The following SDHB variants were observed in gnomAD, a reference collection of about 807,000 sequenced individuals.
SDHB encodes the protein succinate dehydrogenase [ubiquinone] iron-sulfur subunit, mitochondrial.
A neutral mutation model predicts 39.7 loss-of-function variants in SDHB; 21 were observed. That is an observed-to-expected ratio of 0.53 (90% CI 0.37 to 0.76). The LOEUF (loss-of-function observed/expected upper bound fraction) is 0.76. Ranked by LOEUF, SDHB falls within the 30% of genes least tolerant of loss-of-function variation. The pLI is 0.00. For synonymous variants in SDHB, 118 were observed against 117.0 expected, an observed-to-expected ratio of 1.01 and a Z score of -0.06; for missense variants, 343 against 350.9, an observed-to-expected ratio of 0.98 and a Z score of 0.18.
At chr1:17,047,582 C>G (rs1292655922) in intron 1 of SDHB, among the ~76,000 whole-genome samples, 1 of 151,314 alleles carries the variant, frequency 6.6e-6, no homozygotes, top group Non-Finnish European at 1.5e-5. Context: ...ACTAGGGAGG[C>G]TGAGGCAGGA....
chr1:17,046,275 C>T (rs564943410), intron 1 of SDHB, among the ~76,000 whole-genome samples: 7 of 152,232 alleles, frequency 4.6e-5, no homozygotes, highest in African/African-American at 1.7e-4. Flanking sequence ...CTAATGCCAC[C>T]TTGTGGTATT....
At chr1:17,025,946 T>C (rs1020035557) in intron 5 of SDHB, among the ~76,000 whole-genome samples, 5 of 152,198 alleles carry the variant, frequency 3.3e-5, no homozygotes, top group Admixed American at 2.0e-4. Flanking sequence ...GATTTCGGAT[T>C]TGGGGTGCTC....
Position 17,018,974 on chromosome 1 carries a change from A to T in SDHB, c.766-16T>A. ...GATTCAGACCCTTGAAAAAAGAGAAAAGAATCAATAACAAATGATAACTGA... is the reference window on the plus strand; with the variant it reads ...GATTCAGACCCTTGAAAAAAGAGAATAGAATCAATAACAAATGATAACTGA... On this transcript the variant is annotated splice_polypyrimidine_tract_variant and intron_variant, in intron 7 of 7. Transcript: ENST00000375499. 1 of 1,580,050 alleles carries T rather than the reference A, an allele frequency of 6.3e-7. No individual in the cohort carries two copies. The highest frequency in any genetic ancestry group is 8.7e-7 in the Non-Finnish European group (1 of 1,150,812).
At chr1:17,049,091 C>T (rs1390419321) in intron 1 of SDHB, among the ~76,000 whole-genome samples, 2 of 152,126 alleles carry the variant, frequency 1.3e-5, no homozygotes, top group African/African-American at 4.8e-5. Flanking sequence ...CCTTTAACTC[C>T]TGGGCTCAGG....
chr1:17,044,988 C>T, intron 1 of SDHB, 100 bp from the exon 2 acceptor site: 1 of 1,049,996 alleles, frequency 9.5e-7, no homozygotes, highest in South Asian at 1.3e-5. Context: ...TATAAACTCA[C>T]ACATTACTGA....
At chr1:17,026,135 C>A (rs1336242931) in intron 5 of SDHB, among the ~76,000 whole-genome samples, 2 of 152,196 alleles carry the variant, frequency 1.3e-5, no homozygotes, top group Non-Finnish European at 2.9e-5. Context: ...AGCTACGCAC[C>A]AGCCTTGCCT....
chr1:17,035,857 C>A (rs1296995485), intron 2 of SDHB, among the ~76,000 whole-genome samples: 5 of 151,052 alleles, frequency 3.3e-5, no homozygotes, highest in Non-Finnish European at 7.4e-5. Context: ...GAGACTGTCT[C>A]AAAAAAATAA....
intron 1 of SDHB, among the ~76,000 whole-genome samples, chr1:17,047,737 T>G (rs941256347): frequency 9.3e-5 from 14 of 151,164 alleles, no homozygotes; most frequent in Non-Finnish European, 1.6e-4. Context: ...TGCAGTGGCA[T>G]GATCACAGCT....
At chr1:17,053,213 T>C (rs2078158222) in intron 1 of SDHB, among the ~76,000 whole-genome samples, 1 of 152,228 alleles carries the variant, frequency 6.6e-6, no homozygotes, top group Non-Finnish European at 1.5e-5. Context: ...AATCTGTTAC[T>C]GCACACGGCA....
At chr1:17,020,705 A>G (rs563831092) in intron 7 of SDHB, among the ~76,000 whole-genome samples, 1 of 152,312 alleles carries the variant, frequency 6.6e-6, no homozygotes, top group East Asian at 1.9e-4. Flanking sequence ...GGTGCTTACT[A>G]TGTGCCAGGC....
chr1:17,019,470 G>A lies in SDHB; in HGVS notation c.766-512C>T, dbSNP rs927212281. Among the ~76,000 whole-genome samples, 6 of 152,176 alleles carry A rather than the reference G, an allele frequency of 3.9e-5. No individual in the cohort carries two copies. The East Asian group carries it at 1.2e-3, about 29-fold the overall frequency. ...GCCAATACCATTGGTATTAGCTGCAGTTTGCCCCTACAGCTGTTAACATCT... is the reference window on the plus strand; with the variant it reads ...GCCAATACCATTGGTATTAGCTGCAATTTGCCCCTACAGCTGTTAACATCT... On this transcript the variant is annotated intron_variant, in intron 7 of 7. Coordinates refer to ENST00000375499, the MANE Select transcript of SDHB (RefSeq NM_003000.3).
chr1:17,047,681 TAAA>T (rs375234539), intron 1 of SDHB, among the ~76,000 whole-genome samples: 5 of 132,990 alleles, frequency 3.8e-5, no homozygotes, highest in Admixed American at 7.6e-5. Context: ...AAACTCAAGC[TAAA>T]AAAAAAAAAA....
intron 3 of SDHB, among the ~76,000 whole-genome samples, chr1:17,029,069 C>T (rs538136993): frequency 1.0e-4 from 13 of 130,254 alleles, no homozygotes; most frequent in East Asian, 2.8e-4. Context: ...CCATGTGTCA[C>T]GTGTTTTGAA....
At chr1:17,047,053 C>T (rs932382258) in intron 1 of SDHB, among the ~76,000 whole-genome samples, 3 of 152,230 alleles carry the variant, frequency 2.0e-5, no homozygotes, top group African/African-American at 4.8e-5. Flanking sequence ...GATTCATATG[C>T]ATTTATAGAA....
At chr1:17,022,816 A>G in intron 6 of SDHB, 86 bp from the exon 7 acceptor site, 1 of 1,520,658 alleles carries the variant, frequency 6.6e-7, no homozygotes, top group Non-Finnish European at 8.9e-7. Context: ...GGGAGTGCAG[A>G]GGAAAGGGAA....
chr1:17,047,840 A>C (rs1345461449), intron 1 of SDHB, among the ~76,000 whole-genome samples: 1 of 151,998 alleles, frequency 6.6e-6, no homozygotes, highest in Admixed American at 6.6e-5. Flanking sequence ...ATGCCCAGTT[A>C]GTTTTTTTAC....
At chr1:17,041,507 T>C (rs2078079583) in intron 2 of SDHB, among the ~76,000 whole-genome samples, 1 of 151,798 alleles carries the variant, frequency 6.6e-6, no homozygotes, top group Non-Finnish European at 1.5e-5. Flanking sequence ...CCAACTCTAC[T>C]ACAAAAATTA....
intron 2 of SDHB, 112 bp downstream of exon 2, chr1:17,044,647 AAC>A (rs1371101378): frequency 3.8e-6 from 5 of 1,302,612 alleles, no homozygotes; most frequent in Non-Finnish European, 5.5e-6. Flanking sequence ...TTGTTTTAAA[AAC>A]AGAGCCATCG....
intron 5 of SDHB, among the ~76,000 whole-genome samples, chr1:17,027,433 G>A (rs1388374513): frequency 6.6e-6 from 1 of 152,230 alleles, no homozygotes; most frequent in Non-Finnish European, 1.5e-5. Flanking sequence ...GAACAGTTCT[G>A]ACTTAGTGGT....
Sources: allele counts gnomAD v4.1 joint callset (sites outside exome capture counted in the v4.1 genomes callset), GRCh38; gene constraint gnomAD v4.1.1; transcripts MANE v1.5; gene names NCBI Gene and HGNC (gene_info 2026-07-23, HGNC 2026-07-21).